Variants in BTAF1 observed in about 807,000 individuals in gnomAD.
The protein encoded by BTAF1 is B-TFIID TATA-box binding protein associated factor 1.
Under a neutral mutation model 227.1 loss-of-function variants are expected in BTAF1, and 38 were observed. The observed-to-expected ratio is 0.17, with a 90% CI of 0.13 to 0.22. The LOEUF is 0.22. Ranked by LOEUF, BTAF1 falls within the 10% of genes least tolerant of loss-of-function variation. The probability of loss-of-function intolerance (pLI) is 1.00; values close to 1 mark genes in which losing one functional copy is unlikely to be tolerated. For synonymous variants in BTAF1, 742 were observed against 751.9 expected (o/e 0.99, Z 0.21); for missense variants, 1,598 against 2,204.0 (o/e 0.73, Z 5.51).
At chr10:91,976,758 T>C (rs1847726129) in intron 14 of BTAF1, among the ~76,000 whole-genome samples, 1 of 152,234 alleles carries the variant, frequency 6.6e-6, no homozygotes, top group Non-Finnish European at 1.5e-5. Context: ...TTATTTCCAG[T>C]GGCCAGGATG....
intron 23 of BTAF1, among the ~76,000 whole-genome samples, chr10:91,995,458 C>T (rs1449974138): frequency 6.6e-6 from 1 of 151,896 alleles, no homozygotes; most frequent in African/African-American, 2.4e-5. Context: ...GGGTGAATCA[C>T]GAGGTCAGGA....
In BTAF1 at chr10:92,003,969, T is replaced by C. The variant is rs1849717449; in HGVS notation, c.3661-4154T>C. On this transcript the variant is annotated intron_variant, in intron 25 of 37. Transcript: ENST00000265990. ...CTGAGGTAATATCTCATACCAGTTT[T>C]AATTTGTGTTTCCCTGATGATTTAT... 2.6e-5 allele frequency among the ~76,000 whole-genome samples: 4 copies of C among 152,220 alleles called. No individual in the cohort carries two copies. In the South Asian group the frequency reaches 8.3e-4, roughly 32 times the overall value.
At position 92,016,321 on chromosome 10, in the gene BTAF1, C is replaced by A; in HGVS notation, c.4585-19C>A. 6.3e-7 allele frequency: 1 copy of A among 1,583,052 alleles called. No individual in the cohort carries two copies. Among genetic ancestry groups the A allele is most frequent in the Non-Finnish European group, 8.5e-7 (1 of 1,169,738 alleles). Reference sequence around the variant, plus strand: ...AAATAAATATACTTAAAGCTTCTCCCACGGGGGCCATTTTACAGGTTCAGC... The same window carrying A: ...AAATAAATATACTTAAAGCTTCTCCAACGGGGGCCATTTTACAGGTTCAGC... On this transcript the variant is annotated intron_variant, in intron 32 of 37. Coordinates refer to ENST00000265990, the MANE Select transcript of BTAF1 (RefSeq NM_003972.3).
At chr10:91,998,019 C>T (rs1849254546) in intron 25 of BTAF1, among the ~76,000 whole-genome samples, 1 of 150,826 alleles carries the variant, frequency 6.6e-6, no homozygotes. Context: ...CTCAGCTACT[C>T]GGGATGCTGA....
At position 91,942,408 on chromosome 10, in the gene BTAF1, T is replaced by C. The variant is rs774701108; in HGVS notation, c.254-14T>C. ...GGCTATATGGTCAAATTAATATTTTTAAACCTCATGTAGAACCTACTTCCG... is the reference window on the plus strand; with the variant it reads ...GGCTATATGGTCAAATTAATATTTTCAAACCTCATGTAGAACCTACTTCCG... On this transcript the variant is annotated splice_polypyrimidine_tract_variant and intron_variant, in intron 3 of 37. Coordinates refer to ENST00000265990, the MANE Select transcript of BTAF1 (RefSeq NM_003972.3). 1 of 1,610,634 alleles carries C rather than the reference T, an allele frequency of 6.2e-7. No individual in the cohort carries two copies. Among genetic ancestry groups the C allele is most frequent in the Non-Finnish European group, 8.5e-7 (1 of 1,177,624 alleles).
chr10:91,996,445 G>A lies in BTAF1; in HGVS notation c.3386G>A (p.Cys1129Tyr). 1 of 1,614,144 alleles carries A rather than the reference G, an allele frequency of 6.2e-7. No individual in the cohort carries two copies. Among genetic ancestry groups the A allele is most frequent in the Non-Finnish European group, 8.5e-7 (1 of 1,180,024 alleles). ...STAVRHMAAR[C>Y]VGVMSKIATM... Reference sequence around the variant, plus strand: ...GCAGTGAGGCACATGGCTGCTCGTTGTGTAGGTGTCATGAGCAAAATAGCT... The same window carrying A: ...GCAGTGAGGCACATGGCTGCTCGTTATGTAGGTGTCATGAGCAAAATAGCT... The change falls in exon 24 of 38, where the codon TGT becomes TAT. Residue 1129 changes from cysteine to tyrosine, a missense_variant. Physicochemically the swap from Cys to Tyr is radical, Grantham distance 194 (BLOSUM62 -2). Around this residue, in one of 10 missense-constraint regions of BTAF1, gnomAD observed 425 missense variants for 491.2 expected, o/e 0.87. Transcript: ENST00000265990.
At position 91,981,902 on chromosome 10, in the gene BTAF1, G is replaced by A. The variant is rs542384701; in HGVS notation, c.1905+110G>A. ...CTTAAGTGTGATTTAATTAACATAA[G>A]TAAGGAGAAACCGTTATTTTATTAG... is the stretch of plus-strand genomic sequence containing the variant. On this transcript the variant is annotated intron_variant, in intron 16 of 37. Transcript: ENST00000265990. The A allele has an allele frequency of 8.2e-5, 113 of 1,379,664 alleles. No homozygotes were observed. The East Asian group carries it at 2.5e-3, about 30-fold the overall frequency. The allele number at this position is 1,379,664 out of a possible 1,614,324, so 85.5% of individuals were successfully genotyped here.
intron 20 of BTAF1, among the ~76,000 whole-genome samples, 172 bp from the exon 21 acceptor site, chr10:91,991,947 A>G (rs1589901776): frequency 6.6e-6 from 1 of 152,014 alleles, no homozygotes; most frequent in Non-Finnish European, 1.5e-5. Context: ...TATAAATCCT[A>G]TGCAAATAGA....
chr10:91,943,038 G>A (rs1489826889), intron 4 of BTAF1, among the ~76,000 whole-genome samples: 2 of 152,088 alleles, frequency 1.3e-5, no homozygotes, highest in Non-Finnish European at 2.9e-5. Context: ...AATAAGACTT[G>A]GATAGGTATT....
chr10:91,923,979 C>T lies in BTAF1; in HGVS notation c.-98C>T, dbSNP rs886848195. On this transcript the variant is annotated 5_prime_UTR_variant, in exon 1 of 38. Transcript: ENST00000265990. ...GCCGCACCGGCCGCTCCCCTGTGCT[C>T]CGCGGCCTGGGCCTGCGCCGCTCAG... 4 of 1,451,462 alleles carry T rather than the reference C, an allele frequency of 2.8e-6. No homozygotes were observed. Among genetic ancestry groups the T allele is most frequent in the Non-Finnish European group, 3.6e-6 (4 of 1,096,308 alleles). 89.9% of individuals were successfully genotyped at this position (1,451,462 alleles called of 1,614,324 possible). A position where few individuals can be genotyped will look rare whatever the true frequency, so the allele number is the denominator to read the frequency against.
intron 14 of BTAF1, among the ~76,000 whole-genome samples, chr10:91,968,820 C>A (rs1314150320): frequency 6.6e-6 from 1 of 152,012 alleles, no homozygotes; most frequent in Non-Finnish European, 1.5e-5. Flanking sequence ...TATGTTTATT[C>A]GCCATCTACC....
In BTAF1 at chr10:91,962,645, A is replaced by G; in HGVS notation, c.1371A>G (p.Val457=). The change falls in exon 12 of 38, where the codon GTA becomes GTG. Residue 457 remains valine, a synonymous_variant. Coordinates refer to ENST00000265990, the MANE Select transcript of BTAF1 (RefSeq NM_003972.3). The part of the protein sequence containing the change: ...RAVAAASLVP[V]VESLVYLQTQ... ...TTGCTGCAGCATCATTAGTGCCTGT[A>G]GTAGAAAGCCTTGTCTATCTTCAGA... The G allele has an allele frequency of 1.2e-6, 2 of 1,606,844 alleles. No homozygotes were observed. The highest frequency in any genetic ancestry group is 1.1e-5 in the South Asian group (1 of 89,018).
chr10:91,999,642 C>T (rs1031406647), intron 25 of BTAF1, among the ~76,000 whole-genome samples: 46 of 152,296 alleles, frequency 3.0e-4, no homozygotes, highest in African/African-American at 9.9e-4. Flanking sequence ...ATCCTCCCGC[C>T]TTGGCCTCCC....
chr10:91,978,533 C>T (rs1847846375), intron 14 of BTAF1, among the ~76,000 whole-genome samples: 1 of 152,162 alleles, frequency 6.6e-6, no homozygotes, highest in Admixed American at 6.5e-5. Context: ...TTCCCAGCTT[C>T]CCTTTCTCTT....
intron 14 of BTAF1, among the ~76,000 whole-genome samples, chr10:91,972,441 C>T (rs1564684971): frequency 6.6e-6 from 1 of 152,186 alleles, no homozygotes; most frequent in Non-Finnish European, 1.5e-5. Flanking sequence ...CCTTTTCTCT[C>T]ATGAGACAAA....
intron 20 of BTAF1, among the ~76,000 whole-genome samples, chr10:91,991,368 C>T (rs1466936869): frequency 6.8e-6 from 1 of 148,064 alleles, no homozygotes; most frequent in Non-Finnish European, 1.5e-5. Context: ...CCCCTTGAAC[C>T]TGGGAAGTGG....
At chr10:91,975,968 C>CT (rs996458377) in intron 14 of BTAF1, among the ~76,000 whole-genome samples, 4 of 152,212 alleles carry the variant, frequency 2.6e-5, no homozygotes. Flanking sequence ...TTCTGACAGT[C>CT]TACCTGGAAT....
At chr10:91,953,451 G>A (rs537677469) in intron 5 of BTAF1, among the ~76,000 whole-genome samples, 8 of 151,906 alleles carry the variant, frequency 5.3e-5, no homozygotes, top group Non-Finnish European at 1.2e-4. Context: ...ACCTCTTCAA[G>A]GCCTTCTCTA....
intron 1 of BTAF1, among the ~76,000 whole-genome samples, chr10:91,924,438 A>G (rs1843691087): frequency 6.6e-6 from 1 of 152,132 alleles, no homozygotes; most frequent in African/African-American, 2.4e-5. Flanking sequence ...CCTAACCTCC[A>G]TTTCATGGGA....
Sources: allele counts gnomAD v4.1 joint callset (sites outside exome capture counted in the v4.1 genomes callset), GRCh38; gene constraint gnomAD v4.1.1; regional missense constraint gnomAD v4.1.1; transcripts MANE v1.5; gene names NCBI Gene and HGNC (gene_info 2026-07-23, HGNC 2026-07-21).